SDK1: variants seen among roughly 807,000 people sequenced by gnomAD.
SDK1 encodes the protein protein sidekick-1.
In SDK1, 157 loss-of-function variants were observed where a neutral mutation model predicts 245.5. The observed-to-expected ratio is 0.64, with a 90% CI of 0.56 to 0.73. The LOEUF (loss-of-function observed/expected upper bound fraction) is 0.73. Among genes scored for constraint, SDK1 ranks in the 30% least tolerant of loss-of-function variants. The probability of loss-of-function intolerance (pLI) is 0.00; values close to 1 mark genes in which losing one functional copy is unlikely to be tolerated. For synonymous variants in SDK1, 1,647 were observed against 1,278.5 expected (o/e 1.29, Z -6.15); for missense variants, 3,583 against 3,002.3 (o/e 1.19, Z -4.52).
chr7:3,439,610 A>G (rs565962001), intron 1 of SDK1, among the ~76,000 whole-genome samples: 34 of 152,346 alleles, frequency 2.2e-4, no homozygotes, highest in Admixed American at 5.9e-4. Flanking sequence ...TGGCATAGTT[A>G]ATACTTTCTA....
chr7:3,921,209 C>T (rs1257780546), intron 5 of SDK1, among the ~76,000 whole-genome samples: 1 of 152,166 alleles, frequency 6.6e-6, no homozygotes, highest in African/African-American at 2.4e-5. Flanking sequence ...ATAAAAAATA[C>T]ATTTTTTAGC....
chr7:3,515,241 G>A (rs1305244276), intron 1 of SDK1, among the ~76,000 whole-genome samples: 1 of 152,158 alleles, frequency 6.6e-6, no homozygotes, highest in African/African-American at 2.4e-5. Flanking sequence ...ACCCTGCTGA[G>A]AGAACACCTC....
At chr7:4,167,120 T>G (rs923400292) in intron 32 of SDK1, among the ~76,000 whole-genome samples, 1 of 152,170 alleles carries the variant, frequency 6.6e-6, no homozygotes. Flanking sequence ...ACAGGCTCTT[T>G]TGCTGTGGCA....
At chr7:3,638,642 G>A (rs1782545624) in intron 2 of SDK1, among the ~76,000 whole-genome samples, 1 of 118,280 alleles carries the variant, frequency 8.5e-6, no homozygotes, top group Admixed American at 9.4e-5. Flanking sequence ...TGTGGGGTGG[G>A]GGGAGGGGGG....
At chr7:4,000,497 C>G (rs17134146) in intron 14 of SDK1, among the ~76,000 whole-genome samples, 19,195 of 152,120 alleles carry the variant, frequency 0.13, 1,572 homozygotes, top group African/African-American at 0.23. Flanking sequence ...AAGAGAATCT[C>G]TGAGCTGCAC....
intron 5 of SDK1, among the ~76,000 whole-genome samples, chr7:3,917,392 G>A (rs1388183480): frequency 3.3e-5 from 5 of 152,108 alleles, no homozygotes; most frequent in Admixed American, 6.5e-5. Flanking sequence ...CAGGGTAGAC[G>A]GGAAGCCTCA....
intron 44 of SDK1, among the ~76,000 whole-genome samples, chr7:4,249,954 C>T (rs1233636302): frequency 6.6e-6 from 1 of 152,164 alleles, no homozygotes; most frequent in Non-Finnish European, 1.5e-5. Context: ...GTTGTGCAGC[C>T]ATCACCACAG....
At chr7:4,023,166 T>C (rs1787060512) in intron 17 of SDK1, among the ~76,000 whole-genome samples, 1 of 152,158 alleles carries the variant, frequency 6.6e-6, no homozygotes, top group Admixed American at 6.5e-5. Context: ...CGGCATGGGC[T>C]AGCACCTTGG....
chr7:4,000,862 C>A (rs973595420), intron 14 of SDK1, among the ~76,000 whole-genome samples: 3 of 152,096 alleles, frequency 2.0e-5, no homozygotes, highest in Non-Finnish European at 4.4e-5. Flanking sequence ...AGCATTTGTC[C>A]GCATTTTAAT....
chr7:4,261,592 C>T (rs1342349953), intron 44 of SDK1, among the ~76,000 whole-genome samples: 1 of 152,194 alleles, frequency 6.6e-6, no homozygotes, highest in South Asian at 2.1e-4. Context: ...CTCAGAGAGC[C>T]TGTAAAAGAA....
At chr7:3,339,543 G>C (rs780767253) in intron 1 of SDK1, among the ~76,000 whole-genome samples, 1 of 151,974 alleles carries the variant, frequency 6.6e-6, no homozygotes, top group Non-Finnish European at 1.5e-5. Flanking sequence ...AATAAAAAAC[G>C]TAAAAGGATT....
At chr7:3,727,990 A>G (rs928717756) in intron 4 of SDK1, among the ~76,000 whole-genome samples, 3 of 151,994 alleles carry the variant, frequency 2.0e-5, no homozygotes, top group African/African-American at 7.3e-5. Flanking sequence ...CTCGTTCTTG[A>G]TGATCTTGAC....
At chr7:3,453,574 G>T (rs1208099344) in intron 1 of SDK1, among the ~76,000 whole-genome samples, 3 of 152,132 alleles carry the variant, frequency 2.0e-5, no homozygotes, top group South Asian at 2.1e-4. Flanking sequence ...GATTGCAGTG[G>T]CGACCACACA....
chr7:3,855,028 G>A (rs943101703), intron 5 of SDK1, among the ~76,000 whole-genome samples: 4 of 152,102 alleles, frequency 2.6e-5, no homozygotes, highest in East Asian at 3.9e-4. Context: ...CAGCCCTGCT[G>A]TGGCCACAGA....
At chr7:3,585,073 G>T (rs531293437) in intron 1 of SDK1, among the ~76,000 whole-genome samples, 1 of 151,994 alleles carries the variant, frequency 6.6e-6, no homozygotes, top group Admixed American at 6.6e-5. Context: ...CTTGCTTCCT[G>T]TGCCTGTTTC....
chr7:3,683,167 C>T (rs6462227), intron 4 of SDK1, among the ~76,000 whole-genome samples: 7 of 152,034 alleles, frequency 4.6e-5, no homozygotes, highest in African/African-American at 1.5e-4. Context: ...TATGATATTT[C>T]TTGCTTTTTC....
At position 3,619,083 on chromosome 7, in the gene SDK1, A is replaced by C; in HGVS notation, c.302A>C (p.Asp101Ala). Reference sequence around the variant, plus strand: ...GTTTTGTTTTTTAATATTTCAGATGATGTTGCTCCATATTTTAAAACGGAG... The same window carrying C: ...GTTTTGTTTTTTAATATTTCAGATGCTGTTGCTCCATATTTTAAAACGGAG... ...LHLLRALAQD[D>A]VAPYFKTEPG... Residue 101 changes from aspartate to alanine, a missense_variant, in exon 2 of 45, where the codon GAT (aspartate) becomes GCT (alanine). Transcript: ENST00000404826. The C allele has an allele frequency of 1.3e-6, 2 of 1,591,842 alleles. No homozygotes were observed. The highest frequency in any genetic ancestry group is 1.7e-6 in the Non-Finnish European group (2 of 1,165,562).
intron 1 of SDK1, among the ~76,000 whole-genome samples, chr7:3,539,149 G>A (rs1778980946): frequency 6.6e-6 from 1 of 152,184 alleles, no homozygotes; most frequent in South Asian, 2.1e-4. Context: ...TTGCCAGGTT[G>A]GTCATATTTT....
intron 16 of SDK1, among the ~76,000 whole-genome samples, chr7:4,015,947 T>C (rs1786364773): frequency 6.6e-6 from 1 of 152,270 alleles, no homozygotes; most frequent in African/African-American, 2.4e-5. Flanking sequence ...GAACCTTGTG[T>C]GACCATTTCT....
Sources: gnomAD v4.1 joint callset for allele counts (sites outside exome capture counted in the v4.1 genomes callset) on GRCh38, gnomAD v4.1.1 for gene constraint, MANE v1.5 for transcripts, NCBI Gene and HGNC (gene_info 2026-07-23, HGNC 2026-07-21) for gene names.